Variants in RIC1 observed in about 807,000 individuals in gnomAD.
RIC1 encodes guanine nucleotide exchange factor subunit RIC1.
Under a neutral mutation model 169.0 loss-of-function variants are expected in RIC1, and 88 were observed. The ratio of observed to expected loss-of-function variants is 0.52; its 90% CI spans 0.44 to 0.62. The LOEUF (loss-of-function observed/expected upper bound fraction) is 0.62. Ranked by LOEUF, RIC1 falls within the 20% of genes least tolerant of loss-of-function variation. The pLI, the probability that RIC1 is intolerant of heterozygous loss-of-function variation, is 0.00. For missense variants in RIC1, 1,877 were observed against 1,725.5 expected (o/e 1.09, Z -1.56); for synonymous variants, 790 against 601.5 (o/e 1.31, Z -4.59).
chr9:5,716,686 G>A (rs1177014638), intron 4 of RIC1, among the ~76,000 whole-genome samples: 5 of 152,148 alleles, frequency 3.3e-5, no homozygotes, highest in African/African-American at 1.2e-4. Flanking sequence ...TTCTGACATC[G>A]CCCTACTACG....
intron 3 of RIC1, among the ~76,000 whole-genome samples, chr9:5,702,108 G>A (rs1358853400): frequency 1.3e-5 from 2 of 152,150 alleles, no homozygotes; most frequent in African/African-American, 4.8e-5. Flanking sequence ...AGTTTATTAA[G>A]GGGACAAAAG....
At chr9:5,675,429 CTT>C (rs1035250380) in intron 2 of RIC1, among the ~76,000 whole-genome samples, 10 of 152,074 alleles carry the variant, frequency 6.6e-5, no homozygotes, top group Non-Finnish European at 1.5e-4. Context: ...TGAAGAGAAA[CTT>C]AGAACTCCTA....
Position 5,656,572 on chromosome 9 carries a change from TA to T in RIC1, c.145-9del, listed in dbSNP as rs765295308. On this transcript the variant is annotated splice_polypyrimidine_tract_variant and intron_variant, in intron 1 of 25. Coordinates refer to ENST00000414202, the MANE Select transcript of RIC1 (RefSeq NM_020829.4). ...AAAAAATACAACTTTTTTTTTTTTT[TA>T]ATCACACAGCCTAGTGTGTTAATTG... The T allele has an allele frequency of 1.5e-5, 20 of 1,377,640 alleles. No homozygotes were observed. In the Admixed American group the frequency reaches 4.4e-4, roughly 30 times the overall value. 85.3% of individuals were successfully genotyped at this position (1,377,640 alleles called of 1,614,324 possible).
intron 10 of RIC1, among the ~76,000 whole-genome samples, chr9:5,745,357 C>T (rs910540031): frequency 1.3e-5 from 2 of 152,132 alleles, no homozygotes; most frequent in Admixed American, 1.3e-4. Context: ...AATATTAAAA[C>T]TGAATGGTTC....
chr9:5,745,837 T>C, intron 10 of RIC1, 94 bp from the exon 11 acceptor site: 4 of 1,038,546 alleles, frequency 3.9e-6, no homozygotes, highest in Non-Finnish European at 4.2e-6. Flanking sequence ...AATGCTATCA[T>C]TGGCTATTTC....
intron 2 of RIC1, among the ~76,000 whole-genome samples, chr9:5,661,365 G>T (rs562133435): frequency 3.3e-5 from 5 of 152,086 alleles, no homozygotes; most frequent in Non-Finnish European, 7.4e-5. Flanking sequence ...TTCTAATTCC[G>T]TGAAGAATGT....
rs761628245 is a variant in RIC1 at position 5,672,319 on chromosome 9, A to G, written c.252+15629A>G. On this transcript the variant is annotated intron_variant, in intron 2 of 25. Coordinates refer to ENST00000414202, the MANE Select transcript of RIC1 (RefSeq NM_020829.4). ...TAAACAAGTAAAATATGTGGCTCCTATTGATGAGCCACAGGGATGAGACAG... is the reference window on the plus strand; with the variant it reads ...TAAACAAGTAAAATATGTGGCTCCTGTTGATGAGCCACAGGGATGAGACAG... 5.3e-4 allele frequency among the ~76,000 whole-genome samples: 80 copies of G among 152,360 alleles called. No individual in the cohort carries two copies. The Middle Eastern group carries it at 0.014, about 26-fold the overall frequency.
At chr9:5,740,063 G>A (rs1012772705) in intron 8 of RIC1, among the ~76,000 whole-genome samples, 3 of 152,128 alleles carry the variant, frequency 2.0e-5, no homozygotes, top group African/African-American at 7.2e-5. Flanking sequence ...TCTGGGAGAT[G>A]GAATCCCTGA....
rs747338191 is a variant in RIC1, at chr9:5,720,698, A to T, written c.668A>T (p.Asn223Ile). The T allele has an allele frequency of 6.2e-7, 1 of 1,612,642 alleles. No homozygotes were observed. Among genetic ancestry groups the T allele is most frequent in the South Asian group, 1.1e-5 (1 of 90,866 alleles). Residue 223 changes from asparagine to isoleucine, a missense_variant, in exon 6 of 26, where the codon AAT becomes ATT. Asn to Ile is a moderately radical substitution (Grantham distance 149). Around this residue, in one of 3 missense-constraint regions of RIC1, gnomAD observed 1,104 missense variants for 992.0 expected, o/e 1.11. Coordinates refer to ENST00000414202, the MANE Select transcript of RIC1 (RefSeq NM_020829.4). Reference protein sequence around the residue: ...ATLDGFAVVFNDGKVGFITPV... With the variant: ...ATLDGFAVVFIDGKVGFITPV... ...CTTGATGGGTTTGCTGTTGTATTTA[A>T]TGATGGTAAAGTTGGATTTATTACA...
intron 2 of RIC1, among the ~76,000 whole-genome samples, chr9:5,687,617 G>C (rs1821328954): frequency 6.6e-6 from 1 of 151,898 alleles, no homozygotes. Context: ...AAATATTTGT[G>C]GGCTTTCCAG....
intron 2 of RIC1, among the ~76,000 whole-genome samples, chr9:5,658,364 A>G (rs1462615107): frequency 6.6e-6 from 1 of 152,132 alleles, no homozygotes; most frequent in Non-Finnish European, 1.5e-5. Flanking sequence ...TTTAGCACAG[A>G]ACAGCTCACC....
intron 10 of RIC1, 85 bp downstream of exon 10, chr9:5,743,822 A>AT: frequency 1.9e-6 from 2 of 1,059,998 alleles, no homozygotes; most frequent in Non-Finnish European, 1.4e-6. Flanking sequence ...TATTTATTTA[A>AT]TTTTTTGAGA....
intron 8 of RIC1, among the ~76,000 whole-genome samples, 169 bp from the exon 9 acceptor site, chr9:5,742,700 G>T (rs1205910506): frequency 6.7e-6 from 1 of 150,336 alleles, no homozygotes; most frequent in Non-Finnish European, 1.5e-5. Context: ...AAAACTAATG[G>T]CCTTACTAAC....
At chr9:5,753,482 C>T (rs1418231787) in intron 13 of RIC1, 54 bp from the exon 14 acceptor site, 2 of 1,096,508 alleles carry the variant, frequency 1.8e-6, no homozygotes, top group African/African-American at 1.6e-5. Flanking sequence ...CTCTTTATGC[C>T]TAATAAAGTA....
chr9:5,639,201 G>A lies in RIC1; in HGVS notation c.144+9748G>A, dbSNP rs77944063. On this transcript the variant is annotated intron_variant, in intron 1 of 25. Coordinates refer to ENST00000414202, the MANE Select transcript of RIC1 (RefSeq NM_020829.4). ...GATTCAGGCATGAGCCACTATACCC[G>A]GCCATTTTTCTTCTTTTATGGTGTA... Among the ~76,000 whole-genome samples the A allele has an allele frequency of 8.9e-3, 1,356 of 152,134 alleles. 18 individuals carry two copies. Among genetic ancestry groups the A allele is most frequent in the African/African-American group, 0.031 (1,296 of 41,500 alleles).
intron 2 of RIC1, among the ~76,000 whole-genome samples, chr9:5,657,254 G>T (rs541023700): frequency 6.6e-6 from 1 of 151,898 alleles, no homozygotes; most frequent in Non-Finnish European, 1.5e-5. Context: ...ATTTGGATCT[G>T]TTTCTCCTTT....
At chr9:5,635,874 C>T (rs375236778) in intron 1 of RIC1, among the ~76,000 whole-genome samples, 39 of 152,184 alleles carry the variant, frequency 2.6e-4, no homozygotes, top group African/African-American at 9.4e-4. Flanking sequence ...TGTAAGTTTC[C>T]TGAGGCCTCA....
chr9:5,753,127 G>C (rs181416121), intron 12 of RIC1, 73 bp from the exon 13 acceptor site: 104 of 1,311,874 alleles, frequency 7.9e-5, no homozygotes, highest in Middle Eastern at 1.9e-4. Context: ...GAATCTCATA[G>C]TGTGATAACT....
intron 3 of RIC1, among the ~76,000 whole-genome samples, chr9:5,693,015 G>T (rs1301238061): frequency 6.6e-6 from 1 of 152,066 alleles, no homozygotes; most frequent in Non-Finnish European, 1.5e-5. Flanking sequence ...TCTAAAGTCT[G>T]TGCTATTAAT....
Sources: allele counts gnomAD v4.1 joint callset (sites outside exome capture counted in the v4.1 genomes callset), GRCh38; gene constraint gnomAD v4.1.1; regional missense constraint gnomAD v4.1.1; transcripts MANE v1.5; gene names NCBI Gene and HGNC (gene_info 2026-07-23, HGNC 2026-07-21).